RANBP2: variants seen among roughly 807,000 people sequenced by gnomAD.
RANBP2 encodes the protein E3 SUMO-protein ligase RanBP2.
RANBP2 carries 57 observed loss-of-function variants against 303.6 expected under a neutral mutation model. That is an observed-to-expected ratio of 0.19 (90% CI 0.15 to 0.23). RANBP2 has a LOEUF of 0.23. Among genes scored for constraint, RANBP2 ranks in the 10% least tolerant of loss-of-function variants. The probability of loss-of-function intolerance (pLI) is 1.00; values close to 1 mark genes in which losing one functional copy is unlikely to be tolerated. For missense variants in RANBP2, 3,138 were observed against 3,780.8 expected, an observed-to-expected ratio of 0.83 and a Z score of 4.46; for synonymous variants, 1,167 against 1,301.5, an observed-to-expected ratio of 0.90 and a Z score of 2.23.
the RANBP2 span, among the ~76,000 whole-genome samples, chr2:109,347,027 A>G: frequency 0.7 from 106,996 of 152,060 alleles, 39,144 homozygotes; most frequent in African/African-American, 0.9. Context: ...TCGTGTGTGT[A>G]CCGCTGGCCA....
chr2:109,728,446 T>G, the RANBP2 span, among the ~76,000 whole-genome samples: 2 of 152,130 alleles, frequency 1.3e-5, no homozygotes, highest in Non-Finnish European at 2.9e-5. Flanking sequence ...TTTTTTATTT[T>G]TAAAAAATTT....
the RANBP2 span, among the ~76,000 whole-genome samples, chr2:109,475,001 C>T: frequency 2.6e-5 from 4 of 152,084 alleles, no homozygotes; most frequent in East Asian, 3.9e-4. Context: ...TTTTTTGAGA[C>T]GGAGTCTCGC....
At chr2:108,788,059 A>C, downstream of RANBP2, 1 of 1,596,274 alleles carries the variant, frequency 6.3e-7, no homozygotes, top group Non-Finnish European at 8.5e-7. Context: ...TTATCAGTCT[A>C]AGTATAAGAG....
intron 7 of RANBP2, among the ~76,000 whole-genome samples, chr2:108,741,540 C>G (rs1425196427): frequency 2.3e-5 from 2 of 88,124 alleles, no homozygotes; most frequent in Non-Finnish European, 4.0e-5. Flanking sequence ...GAATCTTGCT[C>G]TGTCGCCCAG....
the RANBP2 span, among the ~76,000 whole-genome samples, chr2:108,832,820 GGGTAT>G: frequency 6.6e-6 from 1 of 152,166 alleles, no homozygotes; most frequent in Non-Finnish European, 1.5e-5. Flanking sequence ...ATCTATTACA[GGGTAT>G]GGGTGAGGTA....
chr2:109,347,187 T>C, the RANBP2 span, among the ~76,000 whole-genome samples: 1 of 152,212 alleles, frequency 6.6e-6, no homozygotes, highest in Non-Finnish European at 1.5e-5. Flanking sequence ...GTCTGGCAGC[T>C]TCTTAGACTA....
the RANBP2 span, among the ~76,000 whole-genome samples, chr2:109,569,268 A>C: frequency 6.6e-6 from 1 of 152,054 alleles, no homozygotes; most frequent in Non-Finnish European, 1.5e-5. Flanking sequence ...ATCTCCACTA[A>C]AAATACAAAA....
At chr2:109,480,116 C>T in the RANBP2 span, among the ~76,000 whole-genome samples, 2 of 152,296 alleles carry the variant, frequency 1.3e-5, no homozygotes, top group African/African-American at 4.8e-5. Flanking sequence ...CTTTCTTTTC[C>T]AACATAGTGA....
At chr2:108,986,452 G>C in the RANBP2 span, among the ~76,000 whole-genome samples, 7 of 151,970 alleles carry the variant, frequency 4.6e-5, no homozygotes, top group African/African-American at 1.7e-4. Flanking sequence ...ATCTCCTTGT[G>C]GGGGCAAATG....
chr2:109,351,990 T>C, the RANBP2 span, among the ~76,000 whole-genome samples: 19,809 of 152,280 alleles, frequency 0.13, 1,437 homozygotes, highest in Middle Eastern at 0.23. Flanking sequence ...CATAGATGGA[T>C]AAAAATCAAA....
chr2:108,738,467 C>T (rs544635404), intron 6 of RANBP2, among the ~76,000 whole-genome samples: 66 of 152,212 alleles, frequency 4.3e-4, no homozygotes, highest in African/African-American at 1.4e-3. Flanking sequence ...CCTTGTGATC[C>T]GCTTGCCTTG....
the RANBP2 span, among the ~76,000 whole-genome samples, chr2:109,523,130 G>A: frequency 0.058 from 8,791 of 152,176 alleles, 882 homozygotes; most frequent in African/African-American, 0.2. Flanking sequence ...GAGTAGATGC[G>A]GCTGATGGCA....
chr2:109,221,320 C>T, the RANBP2 span, among the ~76,000 whole-genome samples: 5 of 140,556 alleles, frequency 3.6e-5, no homozygotes, highest in African/African-American at 5.0e-5. Context: ...AGGTGACTCA[C>T]GGCTGTAATC....
the RANBP2 span, among the ~76,000 whole-genome samples, chr2:108,880,230 A>C: frequency 6.6e-6 from 1 of 152,002 alleles, no homozygotes; most frequent in Non-Finnish European, 1.5e-5. Context: ...CAAACAAAAA[A>C]AAAAACGAGA....
At chr2:109,414,877 C>CAT in the RANBP2 span, among the ~76,000 whole-genome samples, 2 of 152,212 alleles carry the variant, frequency 1.3e-5, no homozygotes, top group Admixed American at 1.3e-4. Flanking sequence ...GGACTGATGG[C>CAT]CCCCACACAT....
chr2:109,037,786 C>CT, the RANBP2 span, among the ~76,000 whole-genome samples: 1 of 152,182 alleles, frequency 6.6e-6, no homozygotes, highest in South Asian at 2.1e-4. Context: ...TTATAAAATG[C>CT]TTTTGAAAGA....
the RANBP2 span, chr2:108,883,853 G>T: frequency 6.6e-6 from 1 of 152,318 alleles, no homozygotes; most frequent in South Asian, 2.1e-4. Context: ...CACCTTGAGG[G>T]TGTCATCTGC....
chr2:109,350,625 C>A, the RANBP2 span, among the ~76,000 whole-genome samples: 2 of 152,242 alleles, frequency 1.3e-5, no homozygotes, highest in African/African-American at 4.8e-5. Flanking sequence ...GAGACATGGG[C>A]AACTCCATGT....
the RANBP2 span, among the ~76,000 whole-genome samples, chr2:109,405,446 G>A: frequency 6.6e-6 from 1 of 152,136 alleles, no homozygotes; most frequent in Non-Finnish European, 1.5e-5. Flanking sequence ...TGCCTCTCCA[G>A]CTCCCGGCAG....
Sources: gnomAD v4.1 joint callset for allele counts (sites outside exome capture counted in the v4.1 genomes callset) on GRCh38, gnomAD v4.1.1 for gene constraint, MANE v1.5 for transcripts, NCBI Gene and HGNC (gene_info 2026-07-23, HGNC 2026-07-21) for gene names.